SLC17A8: variants seen among roughly 807,000 people sequenced by gnomAD.
The protein encoded by SLC17A8 is vesicular glutamate transporter 3.
In SLC17A8, 31 loss-of-function variants were observed where a neutral mutation model predicts 58.0. The ratio of observed to expected loss-of-function variants is 0.53; its 90% CI spans 0.40 to 0.72. SLC17A8 has a LOEUF of 0.72. Ranked by LOEUF, SLC17A8 falls within the 30% of genes least tolerant of loss-of-function variation. The pLI is 0.00. For synonymous variants in SLC17A8, 228 were observed against 249.0 expected, an observed-to-expected ratio of 0.92 and a Z score of 0.79; for missense variants, 655 against 727.8, an observed-to-expected ratio of 0.90 and a Z score of 1.15.
chr12:100,394,398 CTTT>C (rs34047250), intron 4 of SLC17A8, among the ~76,000 whole-genome samples: 13 of 112,738 alleles, frequency 1.2e-4, no homozygotes, highest in Non-Finnish European at 1.5e-4. Context: ...ACATCTTTTC[CTTT>C]TTTTTTTTTT....
chr12:100,386,325 A>C (rs562842307), intron 2 of SLC17A8, among the ~76,000 whole-genome samples: 1 of 152,324 alleles, frequency 6.6e-6, no homozygotes, highest in Non-Finnish European at 1.5e-5. Context: ...AATGCTTAAC[A>C]TGAGAGCTAC....
intron 2 of SLC17A8, 53 bp downstream of exon 2, chr12:100,381,006 C>T (rs545678312): frequency 1.4e-5 from 23 of 1,606,556 alleles, no homozygotes; most frequent in Non-Finnish European, 1.8e-5. Flanking sequence ...GGGTCTCGCT[C>T]GGTCTCCCAG....
intron 1 of SLC17A8, among the ~76,000 whole-genome samples, chr12:100,378,564 A>G (rs1306631884): frequency 6.6e-6 from 1 of 152,130 alleles, no homozygotes; most frequent in Non-Finnish European, 1.5e-5. Context: ...ATAAAAGCTT[A>G]TTTATAGGCA....
At position 100,420,106 on chromosome 12, in the gene SLC17A8, G is replaced by A. The variant is rs1466143808; in HGVS notation, c.1717G>A (p.Glu573Lys). 2 of 1,613,982 alleles carry A rather than the reference G, an allele frequency of 1.2e-6. No homozygotes were observed. The highest frequency in any genetic ancestry group is 3.3e-5 in the Admixed American group (2 of 60,016). The change falls in exon 12 of 12, where the codon GAA (glutamate) becomes AAA (lysine). Residue 573 changes from glutamate to lysine, a missense_variant. Physicochemically the swap from Glu to Lys is moderately conservative, Grantham distance 56 (BLOSUM62 1). Transcript: ENST00000323346. Reference sequence around the variant, plus strand: ...ACAGAGAGGAGCGACCCTTGATGAGGAAGAGCTGACATCCTACCAGAATGA... The same window carrying A: ...ACAGAGAGGAGCGACCCTTGATGAGAAAGAGCTGACATCCTACCAGAATGA... ...KGQRGATLDEEELTSYQNEER... is the reference protein window; with the variant it reads ...KGQRGATLDEKELTSYQNEER...
chr12:100,384,475 C>G (rs1055187751), intron 2 of SLC17A8, among the ~76,000 whole-genome samples: 1 of 152,106 alleles, frequency 6.6e-6, no homozygotes, highest in Non-Finnish European at 1.5e-5. Flanking sequence ...TGGTGGCGCA[C>G]ACCTGTAGTA....
At chr12:100,409,387 T>A (rs764039618) in intron 9 of SLC17A8, among the ~76,000 whole-genome samples, 3 of 152,128 alleles carry the variant, frequency 2.0e-5, no homozygotes, top group Admixed American at 6.5e-5. Flanking sequence ...GGTTTTGCCA[T>A]GTTGCCCAGG....
intron 2 of SLC17A8, among the ~76,000 whole-genome samples, chr12:100,388,766 C>CTCTT (rs1342915523): frequency 3.9e-5 from 6 of 152,202 alleles, no homozygotes; most frequent in Non-Finnish European, 8.8e-5. Context: ...ATTAGGAACC[C>CTCTT]TCTTACTCCA....
In SLC17A8 at chr12:100,419,987, A is replaced by T; in HGVS notation, c.1598A>T (p.Glu533Val). The change falls in exon 12 of 12, where the codon GAA becomes GTA. Residue 533 changes from glutamate to valine, a missense_variant. Physicochemically the swap from Glu to Val is moderately radical, Grantham distance 121. Transcript: ENST00000323346. ...CAGGACGAATTAGCTGAGGAGATAGAACTCAACCATGAGAGTTTTGCGAGT... is the reference window on the plus strand; with the variant it reads ...CAGGACGAATTAGCTGAGGAGATAGTACTCAACCATGAGAGTTTTGCGAGT... Reference protein sequence around the residue: ...IDQDELAEEIELNHESFASPK... With the variant: ...IDQDELAEEIVLNHESFASPK... 2 of 1,614,116 alleles carry T rather than the reference A, an allele frequency of 1.2e-6. No homozygotes were observed. The highest frequency in any genetic ancestry group is 1.7e-6 in the Non-Finnish European group (2 of 1,180,006).
intron 4 of SLC17A8, among the ~76,000 whole-genome samples, chr12:100,394,398 CTTTTTTTTTTT>C (rs34047250): frequency 1.8e-5 from 2 of 112,758 alleles, no homozygotes; most frequent in Admixed American, 9.4e-5. Context: ...ACATCTTTTC[CTTTTTTTTTTT>C]TTTTTTTTTT....
chr12:100,381,073 A>G, intron 2 of SLC17A8, 120 bp downstream of exon 2: 1 of 1,130,120 alleles, frequency 8.8e-7, no homozygotes, highest in Non-Finnish European at 1.3e-6. Context: ...CCAGGTTGAA[A>G]TTAACCTCCC....
At chr12:100,418,780 C>T (rs781065708) in intron 11 of SLC17A8, among the ~76,000 whole-genome samples, 36 of 152,076 alleles carry the variant, frequency 2.4e-4, no homozygotes, top group Non-Finnish European at 4.4e-4. Context: ...GATTTTTTTC[C>T]CCCATCTATT....
chr12:100,372,737 T>C (rs994964339), intron 1 of SLC17A8, among the ~76,000 whole-genome samples: 1 of 152,170 alleles, frequency 6.6e-6, no homozygotes, highest in Non-Finnish European at 1.5e-5. Flanking sequence ...GTTTTATATA[T>C]ATATTTAACT....
chr12:100,378,452 G>A (rs4764738), intron 1 of SLC17A8, among the ~76,000 whole-genome samples: 82,430 of 151,754 alleles, frequency 0.54, 22,957 homozygotes, highest in East Asian at 0.87. Flanking sequence ...AGGAGGAGAG[G>A]AATTGAAGAC....
rs775020589 is a variant in SLC17A8, at chr12:100,420,112, C to G, written c.1723C>G (p.Leu575Val). 8.1e-6 allele frequency: 13 copies of G among 1,613,948 alleles called. No homozygotes were observed. The South Asian group carries it at 1.2e-4, about 15-fold the overall frequency. ...QRGATLDEEE[L>V]TSYQNEERNF... is the part of the protein sequence containing the mutation. ...AGGAGCGACCCTTGATGAGGAAGAG[C>G]TGACATCCTACCAGAATGAAGAGAG... is the stretch of plus-strand genomic sequence containing the variant. Residue 575 changes from leucine (L) to valine (V), a missense_variant, in exon 12 of 12, where the codon CTG (leucine) becomes GTG (valine). Coordinates refer to ENST00000323346, the MANE Select transcript of SLC17A8 (RefSeq NM_139319.3).
At chr12:100,378,966 T>C (rs1952613320) in intron 1 of SLC17A8, among the ~76,000 whole-genome samples, 1 of 152,200 alleles carries the variant, frequency 6.6e-6, no homozygotes, top group South Asian at 2.1e-4. Context: ...TTCTTCCCCA[T>C]CAGCCTAAGA....
Position 100,404,080 on chromosome 12 carries a change from G to A in SLC17A8, c.1096G>A (p.Val366Ile), listed in dbSNP as rs773113592. The A allele has an allele frequency of 1.5e-5, 25 of 1,614,006 alleles. 1 individual carries two copies. In the Middle Eastern group the frequency reaches 9.9e-4, roughly 64 times the overall value. The change falls in exon 9 of 12, where the codon GTT becomes ATT. Residue 366 changes from valine to isoleucine, a missense_variant. By Grantham distance (29) the Val-to-Ile change is conservative. Transcript: ENST00000323346. The stretch of plus-strand genomic sequence containing the variant: ...AGTCCCACACATGGTTATGACAATC[G>A]TTGTACCTATTGGAGGACAATTGGC... ...SAVPHMVMTI[V>I]VPIGGQLADY...
chr12:100,394,817 T>C (rs1234632085), intron 4 of SLC17A8, among the ~76,000 whole-genome samples: 3 of 147,536 alleles, frequency 2.0e-5, no homozygotes, highest in South Asian at 4.2e-4. Context: ...ATATAATATA[T>C]ACATATATAG....
rs1952455238 is a variant in SLC17A8 at position 100,357,511 on chromosome 12, C to G, written c.101+19C>G. ...TACAAAGGTAAAGTTTGAATGCGAA[C>G]TTTAGTTCCTTTCTGAGTAGCTTCG... On this transcript the variant is annotated intron_variant, in intron 1 of 11. Coordinates refer to ENST00000323346, the MANE Select transcript of SLC17A8 (RefSeq NM_139319.3). 1 of 1,490,656 alleles carries G rather than the reference C, an allele frequency of 6.7e-7. No homozygotes were observed. The highest frequency in any genetic ancestry group is 9.4e-7 in the Non-Finnish European group (1 of 1,067,514). 92.3% of individuals were successfully genotyped at this position (1,490,656 alleles called of 1,614,324 possible).
At chr12:100,383,441 C>T (rs551555676) in intron 2 of SLC17A8, among the ~76,000 whole-genome samples, 3 of 152,186 alleles carry the variant, frequency 2.0e-5, no homozygotes, top group East Asian at 3.9e-4. Flanking sequence ...TTCTCTTGTC[C>T]GCCTAGAACA....
Sources: gnomAD v4.1 joint callset for allele counts (sites outside exome capture counted in the v4.1 genomes callset) on GRCh38, gnomAD v4.1.1 for gene constraint, MANE v1.5 for transcripts, NCBI Gene and HGNC (gene_info 2026-07-23, HGNC 2026-07-21) for gene names.